Variants in NFIB observed in about 807,000 individuals in gnomAD.
The protein encoded by NFIB is nuclear factor I B, also known as nuclear factor 1 B-type.
NFIB carries 11 observed loss-of-function variants against 61.5 expected under a neutral mutation model. The observed-to-expected ratio is 0.18, with a 90% CI of 0.11 to 0.30. The LOEUF is 0.30. Among genes scored for constraint, NFIB ranks in the 10% least tolerant of loss-of-function variants. NFIB has a pLI of 1.00. For missense variants in NFIB, 471 were observed against 608.9 expected (o/e 0.77, Z 2.38); for synonymous variants, 260 against 216.5 (o/e 1.20, Z -1.76).
At chr9:14,213,210 G>C (rs75410191) in intron 2 of NFIB, among the ~76,000 whole-genome samples, 209 of 152,282 alleles carry the variant, frequency 1.4e-3, no homozygotes, top group African/African-American at 4.7e-3. Context: ...GGCACAGTCA[G>C]GTAACTGGTA....
chr9:14,395,715 T>C (rs1402727603), intron 1 of NFIB, among the ~76,000 whole-genome samples: 1 of 145,530 alleles, frequency 6.9e-6, no homozygotes, highest in Admixed American at 6.8e-5. Context: ...CCCCCTCCCA[T>C]ATTCTTTTGA....
intron 2 of NFIB, among the ~76,000 whole-genome samples, chr9:14,305,014 C>A (rs912987818): frequency 6.6e-6 from 1 of 152,138 alleles, no homozygotes; most frequent in Non-Finnish European, 1.5e-5. Context: ...AAAGTTCTTA[C>A]AATAGAGATT....
the NFIB span, among the ~76,000 whole-genome samples, chr9:14,416,764 C>T: frequency 6.6e-6 from 1 of 152,040 alleles, no homozygotes; most frequent in Non-Finnish European, 1.5e-5. Flanking sequence ...ATAAAGCCTA[C>T]AGTAGTGTAC....
the NFIB span, among the ~76,000 whole-genome samples, chr9:14,488,128 C>T: frequency 6.6e-6 from 1 of 152,202 alleles, no homozygotes; most frequent in African/African-American, 2.4e-5. Flanking sequence ...CTGTAATCCC[C>T]GCACTTGGGA....
At chr9:14,349,937 C>T (rs1244584719) in intron 1 of NFIB, among the ~76,000 whole-genome samples, 1 of 152,214 alleles carries the variant, frequency 6.6e-6, no homozygotes, top group Non-Finnish European at 1.5e-5. Context: ...TGGCATTTCC[C>T]TTCCCCGTGT....
At chr9:14,141,595 T>C (rs527912700) in intron 6 of NFIB, among the ~76,000 whole-genome samples, 26 of 152,298 alleles carry the variant, frequency 1.7e-4, no homozygotes, top group African/African-American at 6.3e-4. Context: ...ACTTAATTTA[T>C]TCATATTTGT....
intron 2 of NFIB, among the ~76,000 whole-genome samples, chr9:14,214,934 T>A (rs1318825657): frequency 6.6e-6 from 1 of 152,240 alleles, no homozygotes; most frequent in Admixed American, 6.5e-5. Context: ...TGCATACCTA[T>A]GCTTCCATGC....
chr9:14,254,597 G>T (rs1360994065), intron 2 of NFIB, among the ~76,000 whole-genome samples: 1 of 152,140 alleles, frequency 6.6e-6, no homozygotes, highest in East Asian at 1.9e-4. Flanking sequence ...CCCGTGCACT[G>T]GTTCTCTAAT....
chr9:14,098,677 T>C (rs1185083376), intron 10 of NFIB, among the ~76,000 whole-genome samples: 1 of 152,190 alleles, frequency 6.6e-6, no homozygotes, highest in African/African-American at 2.4e-5. Context: ...TTGAGCCCAT[T>C]CTGACTATAC....
At chr9:14,404,330 A>G in the NFIB span, among the ~76,000 whole-genome samples, 31 of 152,188 alleles carry the variant, frequency 2.0e-4, no homozygotes, top group Admixed American at 1.3e-4. Flanking sequence ...ACCAAGTATC[A>G]GGCACTATTC....
chr9:14,519,974 C>T, the NFIB span, among the ~76,000 whole-genome samples: 3 of 152,200 alleles, frequency 2.0e-5, no homozygotes, highest in East Asian at 1.9e-4. Flanking sequence ...ATTTTAGCTT[C>T]CCCTTAGTTC....
At chr9:14,221,194 T>C (rs781728005) in intron 2 of NFIB, among the ~76,000 whole-genome samples, 10 of 152,172 alleles carry the variant, frequency 6.6e-5, no homozygotes, top group Admixed American at 2.0e-4. Context: ...AGTAAAAGCC[T>C]TCTCCAGCTT....
chr9:14,273,969 T>C (rs542886469), intron 2 of NFIB, among the ~76,000 whole-genome samples: 1 of 152,232 alleles, frequency 6.6e-6, no homozygotes, highest in African/African-American at 2.4e-5. Flanking sequence ...ACCTCTGATG[T>C]CATATAATAG....
the NFIB span, among the ~76,000 whole-genome samples, chr9:14,517,696 C>T: frequency 0.24 from 36,232 of 151,906 alleles, 4,670 homozygotes; most frequent in East Asian, 0.4. Context: ...GACCTTCTTT[C>T]TTTACATCAG....
chr9:14,147,541 A>C (rs1438374924), intron 5 of NFIB, among the ~76,000 whole-genome samples: 4 of 151,542 alleles, frequency 2.6e-5, no homozygotes, highest in Non-Finnish European at 5.9e-5. Flanking sequence ...ATTATTCTTT[A>C]CTTTTTCTTA....
chr9:14,099,045 G>C (rs766539164), intron 10 of NFIB, among the ~76,000 whole-genome samples: 2 of 152,268 alleles, frequency 1.3e-5, no homozygotes, highest in East Asian at 3.9e-4. Context: ...AGCTGCATTT[G>C]ACATGGAAAC....
the NFIB span, among the ~76,000 whole-genome samples, chr9:14,406,246 T>C: frequency 1.3e-5 from 2 of 152,292 alleles, no homozygotes; most frequent in African/African-American, 4.8e-5. Flanking sequence ...TTTCATAACG[T>C]CTTTCCCCCA....
the NFIB span, among the ~76,000 whole-genome samples, chr9:14,405,231 C>T: frequency 6.6e-6 from 1 of 152,166 alleles, no homozygotes; most frequent in Non-Finnish European, 1.5e-5. Context: ...CAGCCTGAGT[C>T]CCTGAATGGT....
At chr9:14,206,244 G>A (rs545748301) in intron 2 of NFIB, among the ~76,000 whole-genome samples, 29 of 149,152 alleles carry the variant, frequency 1.9e-4, no homozygotes, top group African/African-American at 6.0e-4. Context: ...GTATGATCTC[G>A]GCTCACTCGC....
Sources: gnomAD v4.1 joint callset for allele counts (sites outside exome capture counted in the v4.1 genomes callset) on GRCh38, gnomAD v4.1.1 for gene constraint, MANE v1.5 for transcripts, NCBI Gene and HGNC (gene_info 2026-07-23, HGNC 2026-07-21) for gene names.